TSHZ2: variants seen among roughly 807,000 people sequenced by gnomAD.
TSHZ2 encodes teashirt homolog 2.
TSHZ2 carries 21 observed loss-of-function variants against 74.4 expected under a neutral mutation model. That is an observed-to-expected ratio of 0.28 (90% CI 0.20 to 0.41). The LOEUF is 0.41. TSHZ2 is among the 10% of genes least tolerant of loss of function. TSHZ2 has a pLI of 1.00. For synonymous variants in TSHZ2, 540 were observed against 515.3 expected, an observed-to-expected ratio of 1.05 and a Z score of -0.65; for missense variants, 1,244 against 1,293.5, an observed-to-expected ratio of 0.96 and a Z score of 0.59.
intron 2 of TSHZ2, among the ~76,000 whole-genome samples, chr20:53,475,271 C>G (rs1985960017): frequency 8.3e-6 from 1 of 121,178 alleles, no homozygotes; most frequent in Non-Finnish European, 1.7e-5. Flanking sequence ...AAGCTCTCCT[C>G]AGCAAATGTA....
At chr20:53,082,747 G>A (rs1023269407) in intron 1 of TSHZ2, among the ~76,000 whole-genome samples, 4 of 152,212 alleles carry the variant, frequency 2.6e-5, no homozygotes, top group African/African-American at 9.6e-5. Flanking sequence ...GCAAGAGTTG[G>A]TTTTATGTGG....
intron 1 of TSHZ2, among the ~76,000 whole-genome samples, chr20:53,162,244 C>A (rs1280370887): frequency 1.3e-5 from 2 of 152,162 alleles, no homozygotes; most frequent in African/African-American, 2.4e-5. Context: ...CTTGTAGTTT[C>A]CTCTAAAGAA....
chr20:53,457,226 T>C (rs1985130303), intron 2 of TSHZ2, among the ~76,000 whole-genome samples: 1 of 146,110 alleles, frequency 6.8e-6, no homozygotes, highest in Non-Finnish European at 1.5e-5. Context: ...TATCCTCTTT[T>C]ATTTCTTTGA....
At chr20:53,409,163 A>G (rs1201449732) in intron 2 of TSHZ2, among the ~76,000 whole-genome samples, 2 of 152,242 alleles carry the variant, frequency 1.3e-5, no homozygotes, top group African/African-American at 2.4e-5. Context: ...TGTGAACTCC[A>G]GAATGATGAC....
At chr20:53,093,696 A>G (rs1415718262) in intron 1 of TSHZ2, among the ~76,000 whole-genome samples, 2 of 151,968 alleles carry the variant, frequency 1.3e-5, no homozygotes, top group Non-Finnish European at 2.9e-5. Context: ...TTTTCTCATA[A>G]CTCTCAGCAA....
intron 1 of TSHZ2, among the ~76,000 whole-genome samples, chr20:52,989,799 T>C (rs1981909066): frequency 6.6e-6 from 1 of 152,140 alleles, no homozygotes; most frequent in South Asian, 2.1e-4. Context: ...ATTATTATTC[T>C]TTCGTATATG....
intron 1 of TSHZ2, among the ~76,000 whole-genome samples, chr20:53,173,463 C>T (rs1432095312): frequency 1.3e-5 from 2 of 152,078 alleles, no homozygotes; most frequent in African/African-American, 4.8e-5. Context: ...AAAAAATTAG[C>T]CAGGCATGGT....
chr20:53,310,713 A>G (rs1391130973), intron 2 of TSHZ2, among the ~76,000 whole-genome samples: 1 of 151,870 alleles, frequency 6.6e-6, no homozygotes, highest in African/African-American at 2.4e-5. Context: ...CTAGTATTAG[A>G]CCTCCACCAT....
chr20:53,155,071 T>TGG (rs1987763070), intron 1 of TSHZ2, among the ~76,000 whole-genome samples: 1 of 151,250 alleles, frequency 6.6e-6, no homozygotes, highest in African/African-American at 2.4e-5. Flanking sequence ...TTTTTTTTTT[T>TGG]TTTTAGTTTT....
intron 2 of TSHZ2, among the ~76,000 whole-genome samples, chr20:53,437,851 G>A (rs1486762732): frequency 3.3e-5 from 5 of 152,110 alleles, no homozygotes; most frequent in African/African-American, 1.2e-4. Flanking sequence ...TCTCTCTCTT[G>A]TTCTCTCTCT....
intron 1 of TSHZ2, among the ~76,000 whole-genome samples, chr20:53,093,347 A>G (rs1194120785): frequency 3.3e-5 from 5 of 152,206 alleles, no homozygotes. Context: ...TGTTGCCCAT[A>G]GGGAAGGAAG....
chr20:53,142,863 C>T (rs1018873772), intron 1 of TSHZ2, among the ~76,000 whole-genome samples: 1 of 151,784 alleles, frequency 6.6e-6, no homozygotes, highest in East Asian at 1.9e-4. Context: ...TATCACAAAT[C>T]AGCCCATTGC....
Position 53,438,388 on chromosome 20 carries a change from C to A in TSHZ2, c.*9-48756C>A, listed in dbSNP as rs567330860. Among the ~76,000 whole-genome samples, 11 of 152,248 alleles carry A rather than the reference C, an allele frequency of 7.2e-5. No individual in the cohort carries two copies. The East Asian group carries it at 1.9e-3, about 27-fold the overall frequency. On this transcript the variant is annotated intron_variant, in intron 2 of 2. Coordinates refer to ENST00000371497, the MANE Select transcript of TSHZ2 (RefSeq NM_173485.6). ...GGATTACAGGTGTGAGCCACCAAGC[C>A]CAGCCTGCAAGGGCATAATTTTCAT...
At chr20:53,116,460 T>A (rs1174567243) in intron 1 of TSHZ2, among the ~76,000 whole-genome samples, 1 of 152,142 alleles carries the variant, frequency 6.6e-6, no homozygotes, top group Admixed American at 6.6e-5. Flanking sequence ...GCTCATTCTC[T>A]CTCAGCTCCT....
intron 2 of TSHZ2, among the ~76,000 whole-genome samples, chr20:53,466,248 GAAAAAT>G (rs1287475668): frequency 3.8e-4 from 40 of 104,602 alleles, no homozygotes; most frequent in African/African-American, 1.4e-3. Flanking sequence ...ACTCTGCCTC[GAAAAAT>G]AAAAATAAAA....
intron 1 of TSHZ2, among the ~76,000 whole-genome samples, chr20:53,115,698 A>T (rs1190962205): frequency 6.6e-6 from 1 of 152,102 alleles, no homozygotes; most frequent in Non-Finnish European, 1.5e-5. Flanking sequence ...AGGTGTTTTA[A>T]TTAGGCCAAC....
intron 1 of TSHZ2, among the ~76,000 whole-genome samples, chr20:53,163,360 CTTTTTTTTTTT>C (rs55685519): frequency 1.5e-5 from 1 of 65,634 alleles, no homozygotes; most frequent in African/African-American, 5.5e-5. Context: ...CTCTCTGTCT[CTTTTTTTTTTT>C]TTTTTTTTTT....
intron 1 of TSHZ2, among the ~76,000 whole-genome samples, chr20:53,002,731 CCAG>C (rs1982484955): frequency 6.6e-6 from 1 of 151,986 alleles, no homozygotes; most frequent in African/African-American, 2.4e-5. Flanking sequence ...ATAAGGATGT[CCAG>C]TACAGTATTT....
At chr20:53,239,468 G>T (rs1990016374) in intron 1 of TSHZ2, among the ~76,000 whole-genome samples, 1 of 152,144 alleles carries the variant, frequency 6.6e-6, no homozygotes, top group Non-Finnish European at 1.5e-5. Flanking sequence ...CTGGTGCTGG[G>T]CATATAAAGA....
Sources: allele counts gnomAD v4.1 joint callset (sites outside exome capture counted in the v4.1 genomes callset), GRCh38; gene constraint gnomAD v4.1.1; transcripts MANE v1.5; gene names NCBI Gene and HGNC (gene_info 2026-07-23, HGNC 2026-07-21).